The following NCEH1 variants were observed in gnomAD, a reference collection of about 807,000 sequenced individuals.
NCEH1 encodes the protein neutral cholesterol ester hydrolase 1, also known as 2-acetyl MAGE hydrolase.
A neutral mutation model predicts 25.4 loss-of-function variants in NCEH1; 9 were observed. The ratio of observed to expected loss-of-function variants is 0.35; its 90% CI spans 0.21 to 0.62. NCEH1 has a LOEUF of 0.62. Among genes scored for constraint, NCEH1 ranks in the 20% least tolerant of loss-of-function variants. The pLI, the probability that NCEH1 is intolerant of heterozygous loss-of-function variation, is 0.72. For synonymous variants in NCEH1, 200 were observed against 199.8 expected (o/e 1.00, Z -0.01); for missense variants, 412 against 501.1 (o/e 0.82, Z 1.70).
At chr3:172,690,166 G>A (rs1712958023) in intron 1 of NCEH1, among the ~76,000 whole-genome samples, 1 of 152,124 alleles carries the variant, frequency 6.6e-6, no homozygotes, top group Non-Finnish European at 1.5e-5. Flanking sequence ...GCCTCCCAAA[G>A]TGCTGGGATT....
At chr3:172,634,665 T>C (rs1031492921) in intron 4 of NCEH1, among the ~76,000 whole-genome samples, 1 of 152,188 alleles carries the variant, frequency 6.6e-6, no homozygotes, top group African/African-American at 2.4e-5. Context: ...GAAGTTGTCA[T>C]GGGAATGTGA....
chr3:172,677,762 A>C (rs1366310120), intron 1 of NCEH1, among the ~76,000 whole-genome samples: 2 of 152,244 alleles, frequency 1.3e-5, no homozygotes, highest in Non-Finnish European at 2.9e-5. Context: ...CCCCGTCTCT[A>C]CTAAAAATAC....
intron 1 of NCEH1, among the ~76,000 whole-genome samples, chr3:172,657,218 A>G (rs1717737166): frequency 6.6e-6 from 1 of 152,188 alleles, no homozygotes; most frequent in South Asian, 2.1e-4. Context: ...TTCAAAGCCT[A>G]TGACCTGTAT....
chr3:172,662,953 C>T (rs1053156796), intron 1 of NCEH1, among the ~76,000 whole-genome samples: 1 of 152,172 alleles, frequency 6.6e-6, no homozygotes, highest in African/African-American at 2.4e-5. Context: ...TTTTGTGTCT[C>T]TATCTCCTTC....
Position 172,633,617 on chromosome 3 carries a change from T to A in NCEH1, c.1085A>T (p.Glu362Val), listed in dbSNP as rs1268031061. The A allele has an allele frequency of 6.2e-7, 1 of 1,614,120 alleles. No homozygotes were observed. The highest frequency in any genetic ancestry group is 8.5e-7 in the Non-Finnish European group (1 of 1,180,008). Residue 362 changes from glutamate (E) to valine (V), a missense_variant, in exon 5 of 5, where the codon GAG becomes GTG. Glu to Val is a moderately radical substitution (Grantham distance 121). This residue lies in a region of NCEH1 where 210 missense variants were observed against 258.2 expected (regional missense o/e 0.81). Transcript: ENST00000475381. ...DDGIMYAKRL[E>V]SAGVEVTLDH... ...CAGGGTCACCTCCACACCGGCACTC[T>A]CCAAACGCTTGGCATACATGATGCC...
rs768712507 is a variant in NCEH1, at chr3:172,710,861, C to T, written c.124G>A (p.Gly42Ser). The part of the protein sequence containing the change: ...KLMLLDATFR[G>S]AQQVSNLIHY... ...CTGCACCTCACCACTTGCTGTGCACCCCGGAAAGTGGCGTCCAGCAGCATC... is the reference window on the plus strand; with the variant it reads ...CTGCACCTCACCACTTGCTGTGCACTCCGGAAAGTGGCGTCCAGCAGCATC... Residue 42 changes from glycine (G) to serine (S), a missense_variant, in exon 1 of 5, where the codon GGT (glycine) becomes AGT (serine). Physicochemically the swap from Gly to Ser is moderately conservative, Grantham distance 56. Transcript: ENST00000475381. The T allele has an allele frequency of 2.5e-6, 4 of 1,614,024 alleles. No homozygotes were observed. The Admixed American group carries it at 5.0e-5, about 20-fold the overall frequency.
At chr3:172,706,445 T>C (rs182562339) in intron 1 of NCEH1, among the ~76,000 whole-genome samples, 11 of 152,214 alleles carry the variant, frequency 7.2e-5, no homozygotes, top group Non-Finnish European at 1.5e-4. Flanking sequence ...AACTGCCTAG[T>C]ATTCCCAAAT....
chr3:172,691,241 A>G (rs1713016923), intron 1 of NCEH1, among the ~76,000 whole-genome samples: 1 of 152,150 alleles, frequency 6.6e-6, no homozygotes, highest in Non-Finnish European at 1.5e-5. Flanking sequence ...CATGTCAGAC[A>G]TCCCTTCCTC....
At chr3:172,666,910 A>G (rs899641596) in intron 1 of NCEH1, among the ~76,000 whole-genome samples, 6 of 152,178 alleles carry the variant, frequency 3.9e-5, no homozygotes, top group Non-Finnish European at 8.8e-5. Context: ...TGCCATTGCA[A>G]CCTTCTAGGA....
intron 3 of NCEH1, 64 bp downstream of exon 3, chr3:172,645,559 A>C (rs1717078569): frequency 2.0e-6 from 2 of 1,017,218 alleles, no homozygotes; most frequent in Non-Finnish European, 3.0e-6. Context: ...AAACAAAGTA[A>C]CCAGACTGTT....
intron 1 of NCEH1, among the ~76,000 whole-genome samples, chr3:172,689,760 G>C (rs1712923862): frequency 6.6e-6 from 1 of 151,232 alleles, no homozygotes; most frequent in African/African-American, 2.4e-5. Flanking sequence ...TCCCTTCTCA[G>C]GGTAGTATAG....
intron 3 of NCEH1, among the ~76,000 whole-genome samples, chr3:172,641,426 CAACTCCTGGTGCTCATAAGAGGTG>C (rs1716847276): frequency 6.6e-6 from 1 of 152,172 alleles, no homozygotes; most frequent in African/African-American, 2.4e-5. Context: ...CATGGAGTCC[CAACTCCTGGTGCTCATAAGAGGTG>C]ATTCCATTAC....
chr3:172,641,349 C>A (rs1241402548), intron 3 of NCEH1, among the ~76,000 whole-genome samples: 1 of 152,158 alleles, frequency 6.6e-6, no homozygotes, highest in East Asian at 1.9e-4. Context: ...GTTTTGTACT[C>A]AAGGACTTCA....
rs1470104837 is a variant in NCEH1 at position 172,630,411 on chromosome 3, T to A, written c.*3064A>T. ...AAGGTCCCAAAATAGTCCCAGGGCCTGCCTGGCTTTTATGAATATTCTAGC... is the reference window on the plus strand; with the variant it reads ...AAGGTCCCAAAATAGTCCCAGGGCCAGCCTGGCTTTTATGAATATTCTAGC... On this transcript the variant is annotated 3_prime_UTR_variant, in exon 5 of 5. Transcript: ENST00000475381. 4 of 152,264 alleles carry A rather than the reference T, an allele frequency of 2.6e-5. No homozygotes were observed. Among genetic ancestry groups the A allele is most frequent in the African/African-American group, 9.6e-5 (4 of 41,462 alleles). The allele number at this position is 152,264 out of a possible 1,614,324, so 9.4% of individuals were successfully genotyped here. A position where few individuals can be genotyped will look rare whatever the true frequency, so the allele number is the denominator to read the frequency against.
chr3:172,694,378 A>ATGTGTGTATGTGTGTGTG (rs1713240709), intron 1 of NCEH1, among the ~76,000 whole-genome samples: 1 of 151,236 alleles, frequency 6.6e-6, no homozygotes, highest in African/African-American at 2.4e-5. Flanking sequence ...AGTTATATAT[A>ATGTGTGTATGTGTGTGTG]TGTGTGTGTG....
At position 172,678,845 on chromosome 3, in the gene NCEH1, T is replaced by G. The variant is rs554992717; in HGVS notation, c.139-30731A>C. The stretch of plus-strand genomic sequence containing the variant: ...TCATTTTTCAACCCTCACCCCCGTT[T>G]GAAATGCTTGTTCCCTGGTGCCATA... On this transcript the variant is annotated intron_variant, in intron 1 of 4. Transcript: ENST00000475381. 3.1e-3 allele frequency among the ~76,000 whole-genome samples: 475 copies of G among 152,318 alleles called. 4 individuals are homozygous for G. The highest frequency in any genetic ancestry group is 0.011 in the African/African-American group (450 of 41,562).
intron 1 of NCEH1, among the ~76,000 whole-genome samples, chr3:172,664,321 A>G (rs4496515): frequency 0.34 from 51,251 of 152,072 alleles, 8,822 homozygotes; most frequent in South Asian, 0.38. Flanking sequence ...GTTTCTGCAG[A>G]GAGATCCACT....
intron 1 of NCEH1, among the ~76,000 whole-genome samples, chr3:172,699,817 G>A (rs1212701120): frequency 3.9e-5 from 6 of 152,072 alleles, no homozygotes; most frequent in Admixed American, 1.3e-4. Context: ...AGTGAACCAC[G>A]ATCATACCAC....
chr3:172,689,610 C>T (rs77383017), intron 1 of NCEH1, among the ~76,000 whole-genome samples: 146,715 of 146,718 alleles, frequency 1, 73,356 homozygotes, highest in Non-Finnish European at 1. Context: ...CTTGGGAGGC[C>T]GAGTCGGGTA....
Sources: allele counts gnomAD v4.1 joint callset (sites outside exome capture counted in the v4.1 genomes callset), GRCh38; gene constraint gnomAD v4.1.1; regional missense constraint gnomAD v4.1.1; transcripts MANE v1.5; gene names NCBI Gene and HGNC (gene_info 2026-07-23, HGNC 2026-07-21).